The following IL1RAPL1 variants were observed in gnomAD, a reference collection of about 807,000 sequenced individuals.
IL1RAPL1 encodes interleukin 1 receptor accessory protein like 1.
A neutral mutation model predicts 48.4 loss-of-function variants in IL1RAPL1; 3 were observed. That is an observed-to-expected ratio of 0.06 (90% CI 0.03 to 0.16). IL1RAPL1 has a LOEUF of 0.16. Among genes scored for constraint, IL1RAPL1 ranks in the 10% least tolerant of loss-of-function variants. The pLI is 1.00. For synonymous variants in IL1RAPL1, 185 were observed against 187.7 expected (o/e 0.99, Z 0.12); for missense variants, 349 against 530.6 (o/e 0.66, Z 3.36).
intron 2 of IL1RAPL1, among the ~76,000 whole-genome samples, chrX:29,200,688 C>G (rs1209238993): frequency 9.0e-6 from 1 of 111,550 alleles, no homozygotes; most frequent in Non-Finnish European, 1.9e-5. Context: ...GTAATGATTG[C>G]TTTCTCTACT....
chrX:28,678,904 C>T (rs754093963), intron 1 of IL1RAPL1, among the ~76,000 whole-genome samples: 6 of 112,232 alleles, frequency 5.3e-5, no homozygotes, highest in Non-Finnish European at 9.4e-5. Flanking sequence ...CATGGGAGTG[C>T]AGGTATCTTT....
chrX:29,547,652 T>G (rs1250431411), intron 5 of IL1RAPL1, among the ~76,000 whole-genome samples: 2 of 111,766 alleles, frequency 1.8e-5, no homozygotes, highest in African/African-American at 6.5e-5. Flanking sequence ...TCTAAATCTA[T>G]AATATGTCAT....
chrX:29,796,681 A>C (rs1368275608), intron 6 of IL1RAPL1, among the ~76,000 whole-genome samples: 2 of 112,421 alleles, frequency 1.8e-5, no homozygotes, highest in Non-Finnish European at 3.7e-5. Flanking sequence ...CAACACAGCA[A>C]ATGAATGATA....
chrX:29,856,966 T>C (rs1392607664), intron 6 of IL1RAPL1, among the ~76,000 whole-genome samples: 1 of 111,257 alleles, frequency 9.0e-6, no homozygotes, highest in East Asian at 2.8e-4. Flanking sequence ...TATAAATCAT[T>C]AAGAAAAGAT....
chrX:28,971,189 G>A (rs1409647442), intron 2 of IL1RAPL1, among the ~76,000 whole-genome samples: 1 of 111,585 alleles, frequency 9.0e-6, no homozygotes, highest in African/African-American at 3.3e-5. Flanking sequence ...CTACAGAACC[G>A]TATTGTTCTA....
intron 6 of IL1RAPL1, among the ~76,000 whole-genome samples, chrX:29,708,357 C>A (rs1169525389): frequency 9.0e-6 from 1 of 111,643 alleles, no homozygotes; most frequent in African/African-American, 3.3e-5. Context: ...TAAAACTTTT[C>A]CTCCAATTTA....
chrX:29,913,622 T>A (rs1932776998), intron 6 of IL1RAPL1, among the ~76,000 whole-genome samples: 1 of 111,363 alleles, frequency 9.0e-6, no homozygotes, highest in African/African-American at 3.3e-5. Flanking sequence ...TAATCTGATC[T>A]TTGCAGTGCT....
At chrX:29,339,113 C>T (rs1045706416) in intron 3 of IL1RAPL1, among the ~76,000 whole-genome samples, 3 of 109,508 alleles carry the variant, frequency 2.7e-5, no homozygotes, top group South Asian at 3.9e-4. Flanking sequence ...CACACACACA[C>T]GCACACACTC....
chrX:29,726,621 A>G (rs984983529), intron 6 of IL1RAPL1, among the ~76,000 whole-genome samples: 1 of 112,121 alleles, frequency 8.9e-6, no homozygotes, highest in African/African-American at 3.2e-5. Flanking sequence ...AAATATTTCC[A>G]GGATAGGGAG....
chrX:29,847,856 T>C (rs1181023319), intron 6 of IL1RAPL1, among the ~76,000 whole-genome samples: 3 of 112,128 alleles, frequency 2.7e-5, no homozygotes, highest in African/African-American at 9.7e-5. Context: ...TTTTTCATTT[T>C]GTTTTGGTTT....
intron 2 of IL1RAPL1, among the ~76,000 whole-genome samples, chrX:29,206,344 C>G (rs1930665564): frequency 9.0e-6 from 1 of 110,587 alleles, no homozygotes; most frequent in African/African-American, 3.3e-5. Flanking sequence ...GACATCTTTT[C>G]TTCTGATTCA....
intron 2 of IL1RAPL1, among the ~76,000 whole-genome samples, chrX:29,239,089 A>T (rs1931360546): frequency 8.9e-6 from 1 of 112,227 alleles, no homozygotes; most frequent in South Asian, 3.7e-4. Context: ...TAAAAAGATG[A>T]CAACCTTTAA....
At chrX:29,690,422 T>A (rs903373778) in intron 6 of IL1RAPL1, among the ~76,000 whole-genome samples, 4 of 111,938 alleles carry the variant, frequency 3.6e-5, no homozygotes, top group African/African-American at 9.7e-5. Context: ...ATTATTGGAA[T>A]AATTAAGCAT....
At chrX:29,655,548 A>G (rs1465815569) in intron 5 of IL1RAPL1, among the ~76,000 whole-genome samples, 2 of 107,145 alleles carry the variant, frequency 1.9e-5, no homozygotes, top group Middle Eastern at 4.8e-3. Flanking sequence ...CTGTAGTCCC[A>G]GCTACTCAGG....
chrX:29,707,521 A>T, intron 6 of IL1RAPL1, among the ~76,000 whole-genome samples: 1 of 112,361 alleles, frequency 8.9e-6, no homozygotes, highest in South Asian at 3.7e-4. Flanking sequence ...AGTTGCAAAA[A>T]TATGGAACCA....
chrX:29,007,514 C>CA (rs1450837480), intron 2 of IL1RAPL1, among the ~76,000 whole-genome samples: 1 of 111,520 alleles, frequency 9.0e-6, no homozygotes, highest in Non-Finnish European at 1.9e-5. Flanking sequence ...ACCCTTTCCC[C>CA]AAAAAAGTAA....
intron 5 of IL1RAPL1, among the ~76,000 whole-genome samples, chrX:29,629,698 T>C (rs1017176925): frequency 2.7e-5 from 3 of 112,295 alleles, no homozygotes; most frequent in African/African-American, 9.7e-5. Context: ...ACCTCTATGT[T>C]ATCATATCTA....
In IL1RAPL1 at chrX:29,269,770, A is replaced by T. The variant is rs958435279; in HGVS notation, c.83-13168A>T. ...CTATTCTTAACAGCTTTATTGAGGT[A>T]TAATTGATATACAATTAATCACATA... On this transcript the variant is annotated intron_variant, in intron 2 of 10. Transcript: ENST00000378993. Among the ~76,000 whole-genome samples, 4 of 110,799 alleles carry T rather than the reference A, an allele frequency of 3.6e-5. No individual in the cohort carries two copies. In the Admixed American group the frequency reaches 3.9e-4, roughly 11 times the overall value.
chrX:29,069,920 A>G (rs1927529726), intron 2 of IL1RAPL1, among the ~76,000 whole-genome samples: 1 of 110,950 alleles, frequency 9.0e-6, no homozygotes. Context: ...GAATGAAATT[A>G]TATTAGAGAT....
Sources: gnomAD v4.1 joint callset for allele counts (sites outside exome capture counted in the v4.1 genomes callset) on GRCh38, gnomAD v4.1.1 for gene constraint, MANE v1.5 for transcripts, NCBI Gene and HGNC (gene_info 2026-07-23, HGNC 2026-07-21) for gene names.